The following RPS6KA6 variants were observed in gnomAD, a reference collection of about 807,000 sequenced individuals.
RPS6KA6 encodes the protein ribosomal protein S6 kinase A6.
In RPS6KA6, 27 loss-of-function variants were observed where a neutral mutation model predicts 65.4. The ratio of observed to expected loss-of-function variants is 0.41; its 90% CI spans 0.30 to 0.57. The LOEUF is 0.57. Ranked by LOEUF, RPS6KA6 falls within the 20% of genes least tolerant of loss-of-function variation. The probability of loss-of-function intolerance (pLI) is 0.24; values close to 1 mark genes in which losing one functional copy is unlikely to be tolerated. For missense variants in RPS6KA6, 486 were observed against 555.6 expected (o/e 0.87, Z 1.26); for synonymous variants, 190 against 184.2 (o/e 1.03, Z -0.26).
chrX:84,097,664 T>C, intron 19 of RPS6KA6, 108 bp downstream of exon 19: 1 of 479,340 alleles, frequency 2.1e-6, no homozygotes, highest in East Asian at 3.7e-5. Context: ...TTTTGAAATG[T>C]AAATGTCATT....
intron 1 of RPS6KA6, among the ~76,000 whole-genome samples, chrX:84,165,039 T>C (rs2035575792): frequency 9.0e-6 from 1 of 111,141 alleles, no homozygotes; most frequent in African/African-American, 3.3e-5. Context: ...TCTGTAAAAA[T>C]TTTACTAGAA....
intron 18 of RPS6KA6, among the ~76,000 whole-genome samples, chrX:84,098,613 T>C (rs1017514834): frequency 9.0e-6 from 1 of 111,200 alleles, no homozygotes; most frequent in South Asian, 3.7e-4. Flanking sequence ...CCTCTAGGCA[T>C]AGGAACAAAA....
rs765898452 is a variant in RPS6KA6 at position 84,079,186 on chromosome X, A to G, written c.1972-14075T>C. ...AGGGCGAGCTGAAGGAGGGTGGGGC[A>G]TCGCCTCACTCAGGAAGCGCAAGGG... On this transcript the variant is annotated intron_variant, in intron 20 of 21. Transcript: ENST00000262752. Among the ~76,000 whole-genome samples the G allele has an allele frequency of 2.1e-3, 237 of 110,795 alleles. 1 individual carries two copies. Among genetic ancestry groups the G allele is most frequent in the African/African-American group, 7.3e-3 (223 of 30,409 alleles).
intron 20 of RPS6KA6, among the ~76,000 whole-genome samples, chrX:84,068,888 A>G (rs2033465171): frequency 8.9e-6 from 1 of 111,937 alleles, no homozygotes; most frequent in Non-Finnish European, 1.9e-5. Flanking sequence ...AAGGAGAGCC[A>G]CAAACCACTG....
chrX:84,116,288 C>G lies in RPS6KA6; in HGVS notation c.950-1G>C, dbSNP rs1416397222. The G allele has an allele frequency of 9.3e-7, 1 of 1,078,483 alleles. No homozygotes were observed. Among genetic ancestry groups the G allele is most frequent in the African/African-American group, 1.9e-5 (1 of 53,119 alleles). The allele number at this position is 1,078,483 out of a possible 1,213,427, so 88.9% of individuals were successfully genotyped here. A position where few individuals can be genotyped will look rare whatever the true frequency, so the allele number is the denominator to read the frequency against. ...TTGATTTCTTCAACTCCTTCTGATCCTATAAAAAAAAGAAATGATATTTTA... is the reference window on the plus strand; with the variant it reads ...TTGATTTCTTCAACTCCTTCTGATCGTATAAAAAAAAGAAATGATATTTTA... On this transcript the variant is annotated splice_acceptor_variant, in intron 11 of 21. Transcript: ENST00000262752. LOFTEE classifies it high-confidence loss of function.
At chrX:84,064,724 TAG>T (rs1359331187) in intron 21 of RPS6KA6, among the ~76,000 whole-genome samples, 1 of 111,874 alleles carries the variant, frequency 8.9e-6, no homozygotes, top group Non-Finnish European at 1.9e-5. Context: ...AACTTGCATT[TAG>T]CCCAATCCTA....
chrX:84,181,523 T>C (rs2035853487), intron 1 of RPS6KA6, among the ~76,000 whole-genome samples: 1 of 112,029 alleles, frequency 8.9e-6, no homozygotes, highest in Admixed American at 9.5e-5. Context: ...GCAGAGCTAA[T>C]TGCTAGCTTA....
intron 8 of RPS6KA6, among the ~76,000 whole-genome samples, chrX:84,127,724 G>C (rs2034822073): frequency 9.1e-6 from 1 of 110,018 alleles, no homozygotes; most frequent in South Asian, 3.8e-4. Context: ...ACCACATGAT[G>C]ATTTCAACTG....
intron 6 of RPS6KA6, among the ~76,000 whole-genome samples, chrX:84,142,019 G>C (rs1262875392): frequency 9.0e-6 from 1 of 111,461 alleles, no homozygotes; most frequent in Non-Finnish European, 1.9e-5. Flanking sequence ...CAAACAACTT[G>C]ATCCAGTCCA....
At chrX:84,136,414 C>T (rs1464768747) in intron 6 of RPS6KA6, among the ~76,000 whole-genome samples, 1 of 111,039 alleles carries the variant, frequency 9.0e-6, no homozygotes, top group East Asian at 2.8e-4. Flanking sequence ...GATATGCTAA[C>T]TACTTTTTAA....
intron 20 of RPS6KA6, among the ~76,000 whole-genome samples, chrX:84,075,986 G>C (rs1465649335): frequency 8.9e-6 from 1 of 111,850 alleles, no homozygotes; most frequent in Admixed American, 9.5e-5. Flanking sequence ...ATAGACATCA[G>C]TATAGATTAC....
chrX:84,065,309 T>C (rs1374204773), intron 20 of RPS6KA6, among the ~76,000 whole-genome samples, 198 bp from the exon 21 acceptor site: 1 of 111,779 alleles, frequency 8.9e-6, no homozygotes, highest in African/African-American at 3.3e-5. Context: ...ACTAAATCCT[T>C]ATACACCACT....
intron 20 of RPS6KA6, among the ~76,000 whole-genome samples, chrX:84,080,951 C>T (rs1404077700): frequency 4.5e-5 from 5 of 111,477 alleles, no homozygotes; most frequent in African/African-American, 1.6e-4. Flanking sequence ...CACAATGTAC[C>T]AGAATCTCTG....
At chrX:84,108,863 T>C (rs993825158) in intron 12 of RPS6KA6, among the ~76,000 whole-genome samples, 1 of 111,889 alleles carries the variant, frequency 8.9e-6, no homozygotes, top group Non-Finnish European at 1.9e-5. Context: ...GTGAGCAGAA[T>C]GCACGCTGCA....
intron 18 of RPS6KA6, among the ~76,000 whole-genome samples, chrX:84,099,280 C>T (rs1313372771): frequency 2.7e-5 from 3 of 111,300 alleles, no homozygotes; most frequent in Non-Finnish European, 1.9e-5. Flanking sequence ...AGAAACAGTC[C>T]ACTTTTTTTC....
intron 15 of RPS6KA6, 22 bp downstream of exon 15, chrX:84,106,343 A>C: frequency 4.2e-6 from 5 of 1,189,699 alleles, no homozygotes; most frequent in Non-Finnish European, 5.7e-6. Flanking sequence ...ACAAACAAGA[A>C]AGCTAGGCTC....
chrX:84,147,091 C>A, intron 4 of RPS6KA6, 33 bp from the exon 5 acceptor site: 1 of 779,877 alleles, frequency 1.3e-6, no homozygotes, highest in Non-Finnish European at 1.9e-6. Context: ...ATATATTGCT[C>A]TCTTACATCA....
chrX:84,071,812 T>C (rs1369227993), intron 20 of RPS6KA6, among the ~76,000 whole-genome samples: 1 of 111,541 alleles, frequency 9.0e-6, no homozygotes, highest in Admixed American at 9.6e-5. Context: ...CAAACAACTA[T>C]ATGCCAACAA....
chrX:84,074,416 C>T (rs1031496260), intron 20 of RPS6KA6, among the ~76,000 whole-genome samples: 11 of 111,160 alleles, frequency 9.9e-5, no homozygotes, highest in African/African-American at 3.6e-4. Flanking sequence ...AAATTATAGA[C>T]AGATAGGAGA....
Sources: allele counts gnomAD v4.1 joint callset (sites outside exome capture counted in the v4.1 genomes callset), GRCh38; gene constraint gnomAD v4.1.1; transcripts MANE v1.5; gene names NCBI Gene and HGNC (gene_info 2026-07-23, HGNC 2026-07-21).